ANK2: variants seen among roughly 807,000 people sequenced by gnomAD.
ANK2 encodes the protein ankyrin-2.
A neutral mutation model predicts 360.5 loss-of-function variants in ANK2; 83 were observed. The observed-to-expected ratio is 0.23, with a 90% confidence interval of 0.19 to 0.28. The LOEUF (loss-of-function observed/expected upper bound fraction) is 0.28, where lower values mean the gene tolerates loss of function less well. Among genes scored for constraint, ANK2 ranks in the 10% least tolerant of loss-of-function variants. The pLI is 1.00. For synonymous variants in ANK2, 1,740 were observed against 1,759.5 expected, an observed-to-expected ratio of 0.99 and a Z score of 0.28; for missense variants, 4,201 against 4,795.7, an observed-to-expected ratio of 0.88 and a Z score of 3.66.
the ANK2 span, among the ~76,000 whole-genome samples, chr4:112,754,977 T>G: frequency 6.6e-6 from 1 of 152,222 alleles, no homozygotes; most frequent in Non-Finnish European, 1.5e-5. Flanking sequence ...ATCTACCAGT[T>G]GGGAAAATCC....
rs1025312799 is a variant in ANK2 at position 113,171,441 on chromosome 4, C to G, written c.85-2975C>G. On this transcript the variant is annotated intron_variant, in intron 1 of 45. Coordinates refer to ENST00000357077, the MANE Select transcript of ANK2 (RefSeq NM_001148.6). ...CAATAATGTCAATATTCATACATAA[C>G]TTTTAAAACCTCATTTTATTTCTGT... is the stretch of plus-strand genomic sequence containing the variant. Among the ~76,000 whole-genome samples the G allele has an allele frequency of 5.3e-5, 8 of 152,118 alleles. No homozygotes were observed. The South Asian group carries it at 1.4e-3, about 28-fold the overall frequency.
chr4:113,310,258 G>A (rs1020185614), intron 23 of ANK2, among the ~76,000 whole-genome samples: 8 of 152,088 alleles, frequency 5.3e-5, no homozygotes, highest in African/African-American at 1.2e-4. Flanking sequence ...GAGAGACAGC[G>A]GTGAGAACTG....
At chr4:112,957,544 G>T (rs1052084144) in intron 2 of ANK2, among the ~76,000 whole-genome samples, 4 of 152,124 alleles carry the variant, frequency 2.6e-5, no homozygotes, top group Non-Finnish European at 2.9e-5. Context: ...CCTCCCAGAC[G>T]GGGTGGTGGC....
intron 1 of ANK2, among the ~76,000 whole-genome samples, chr4:112,863,838 T>C (rs1355064645): frequency 6.6e-6 from 1 of 152,084 alleles, no homozygotes. Context: ...GTCTTTATTA[T>C]TATTTTTTTG....
intron 1 of ANK2, among the ~76,000 whole-genome samples, chr4:113,089,476 CTA>C (rs1454380787): frequency 6.6e-6 from 1 of 152,078 alleles, no homozygotes; most frequent in Non-Finnish European, 1.5e-5. Flanking sequence ...TAAGATGTTA[CTA>C]TGATTTATGG....
the ANK2 span, among the ~76,000 whole-genome samples, chr4:112,765,970 C>G: frequency 1.3e-5 from 2 of 152,140 alleles, no homozygotes; most frequent in Admixed American, 6.6e-5. Flanking sequence ...ACTATGTAGT[C>G]GATCCTAGTT....
At chr4:112,941,844 A>C (rs1252953472) in intron 2 of ANK2, among the ~76,000 whole-genome samples, 1 of 150,584 alleles carries the variant, frequency 6.6e-6, no homozygotes, top group Non-Finnish European at 1.5e-5. Context: ...GGGAAGCTGT[A>C]CATCAAAATT....
At chr4:112,757,940 C>T in the ANK2 span, among the ~76,000 whole-genome samples, 56 of 136,104 alleles carry the variant, frequency 4.1e-4, no homozygotes, top group East Asian at 8.4e-3. Flanking sequence ...CGTGCAATGG[C>T]GCCGTCCTGG....
intron 17 of ANK2, 143 bp from the exon 18 acceptor site, chr4:113,282,532 G>A (rs1031143807): frequency 3.1e-5 from 25 of 807,246 alleles, no homozygotes; most frequent in Admixed American, 1.7e-4. Flanking sequence ...GAATGGAAAC[G>A]TGATGAGTAA....
chr4:113,109,286 T>C (rs1330586861), intron 1 of ANK2, among the ~76,000 whole-genome samples: 1 of 152,216 alleles, frequency 6.6e-6, no homozygotes, highest in Non-Finnish European at 1.5e-5. Context: ...GAAGTCTTTA[T>C]AGATCTGTTT....
chr4:112,801,848 A>G, the ANK2 span, among the ~76,000 whole-genome samples: 1 of 152,182 alleles, frequency 6.6e-6, no homozygotes, highest in Admixed American at 6.5e-5. Flanking sequence ...CCATTAAAGC[A>G]GTTGAAGAAA....
At position 113,336,550 on chromosome 4, in the gene ANK2, A is replaced by T. The variant is rs59906453; in HGVS notation, c.3592-27A>T. The stretch of plus-strand genomic sequence containing the variant: ...TATTTTAAAATATATACACAAATAT[A>T]TATGTGTGTGTTTTTACTTTGAAAA... On this transcript the variant is annotated intron_variant, in intron 30 of 45. Coordinates refer to ENST00000357077, the MANE Select transcript of ANK2 (RefSeq NM_001148.6). The T allele has an allele frequency of 5.1e-3, 7,930 of 1,567,394 alleles. 344 individuals are homozygous for T. The African/African-American group carries it at 0.087, about 17-fold the overall frequency.
intron 1 of ANK2, among the ~76,000 whole-genome samples, chr4:113,114,922 G>A (rs944820314): frequency 6.6e-6 from 1 of 152,108 alleles, no homozygotes; most frequent in African/African-American, 2.4e-5. Context: ...CATTTCCTTG[G>A]GACTCATGCT....
chr4:113,306,745 A>T (rs1187175348), intron 23 of ANK2, among the ~76,000 whole-genome samples: 10 of 152,334 alleles, frequency 6.6e-5, no homozygotes, highest in Admixed American at 5.9e-4. Context: ...TGAGGCCTAG[A>T]GACATTAAGT....
At chr4:112,995,927 T>C (rs1272371508) in intron 2 of ANK2, among the ~76,000 whole-genome samples, 1 of 152,194 alleles carries the variant, frequency 6.6e-6, no homozygotes, top group Non-Finnish European at 1.5e-5. Context: ...TGGAGAACCA[T>C]TCAGTGTTTT....
At chr4:112,991,589 GC>G (rs764234373) in intron 2 of ANK2, among the ~76,000 whole-genome samples, 18 of 139,680 alleles carry the variant, frequency 1.3e-4, no homozygotes, top group Non-Finnish European at 2.1e-4. Flanking sequence ...TTCAGAGCAA[GC>G]TTTTTTTTTT....
rs362506 is a variant in ANK2, at chr4:113,239,420, C to T, written c.694-1065C>T. The stretch of plus-strand genomic sequence containing the variant: ...TTGAAAATATTTCTTAAAAACAATA[C>T]AGTAAACATCGTAGTTCATTTCAAG... On this transcript the variant is annotated intron_variant, in intron 7 of 45. Transcript: ENST00000357077. 3.2e-3 allele frequency among the ~76,000 whole-genome samples: 492 copies of T among 152,194 alleles called. 16 individuals are homozygous for T. In the East Asian group the frequency reaches 0.068, roughly 21 times the overall value.
chr4:112,992,852 G>C (rs1292836045), intron 2 of ANK2, among the ~76,000 whole-genome samples: 1 of 152,106 alleles, frequency 6.6e-6, no homozygotes, highest in Non-Finnish European at 1.5e-5. Flanking sequence ...GCAAAAATGC[G>C]GATGCTTATT....
upstream of ANK2, among the ~76,000 whole-genome samples, chr4:113,048,336 G>C (rs1371122922): frequency 3.9e-5 from 5 of 126,674 alleles, no homozygotes; most frequent in Non-Finnish European, 6.3e-5. Context: ...CTGTCACCGA[G>C]GCTGGAGTGC....
Sources: allele counts gnomAD v4.1 joint callset (sites outside exome capture counted in the v4.1 genomes callset), GRCh38; gene constraint gnomAD v4.1.1; transcripts MANE v1.5; gene names NCBI Gene and HGNC (gene_info 2026-07-23, HGNC 2026-07-21).